Variants in ERBB4 observed in about 807,000 individuals in gnomAD.
The protein encoded by ERBB4 is erb-b2 receptor tyrosine kinase 4.
In ERBB4, 42 loss-of-function variants were observed where a neutral mutation model predicts 158.0. That is an observed-to-expected ratio of 0.27 (90% CI 0.21 to 0.34). ERBB4 has a LOEUF of 0.34. ERBB4 is among the 10% of genes least tolerant of loss of function. The probability of loss-of-function intolerance (pLI) is 1.00; values close to 1 mark genes in which losing one functional copy is unlikely to be tolerated. For missense variants in ERBB4, 1,333 were observed against 1,624.1 expected, an observed-to-expected ratio of 0.82 and a Z score of 3.08; for synonymous variants, 583 against 558.7, an observed-to-expected ratio of 1.04 and a Z score of -0.61.
chr2:212,183,596 T>A (rs911563517), intron 1 of ERBB4, among the ~76,000 whole-genome samples: 2 of 152,094 alleles, frequency 1.3e-5, no homozygotes, highest in African/African-American at 2.4e-5. Context: ...CATTTTCATA[T>A]ACCTTTTAAC....
intron 1 of ERBB4, among the ~76,000 whole-genome samples, chr2:212,182,674 A>G (rs538039489): frequency 6.6e-6 from 1 of 151,968 alleles, no homozygotes; most frequent in Non-Finnish European, 1.5e-5. Flanking sequence ...CACCTTCAAT[A>G]AAATGAAGTT....
chr2:211,391,128 G>A (rs1263221751), intron 25 of ERBB4, among the ~76,000 whole-genome samples: 3 of 152,102 alleles, frequency 2.0e-5, no homozygotes, highest in Non-Finnish European at 4.4e-5. Flanking sequence ...TTGTACTTGA[G>A]AGCCAAGCCA....
intron 22 of ERBB4, among the ~76,000 whole-genome samples, chr2:211,427,927 T>G (rs572761902): frequency 7.0e-6 from 1 of 143,730 alleles, no homozygotes; most frequent in Non-Finnish European, 1.5e-5. Context: ...GTATATTACA[T>G]TGTAATAAAC....
At chr2:211,995,856 T>C (rs2082189845) in intron 2 of ERBB4, among the ~76,000 whole-genome samples, 1 of 152,208 alleles carries the variant, frequency 6.6e-6, no homozygotes, top group South Asian at 2.1e-4. Flanking sequence ...TCCCATATTC[T>C]ATCTATGATA....
chr2:212,379,672 G>A (rs2090438823), intron 1 of ERBB4, among the ~76,000 whole-genome samples: 1 of 151,362 alleles, frequency 6.6e-6, no homozygotes, highest in Admixed American at 6.6e-5. Context: ...AAATCAAGTG[G>A]AAATTATCAT....
chr2:211,458,161 C>T (rs899216318), intron 20 of ERBB4, among the ~76,000 whole-genome samples: 1 of 140,374 alleles, frequency 7.1e-6, no homozygotes, highest in African/African-American at 2.6e-5. Flanking sequence ...CCTGTTGACA[C>T]TGAGGTCACA....
intron 1 of ERBB4, among the ~76,000 whole-genome samples, chr2:212,169,300 G>C (rs1023999497): frequency 6.6e-6 from 1 of 151,990 alleles, no homozygotes; most frequent in Non-Finnish European, 1.5e-5. Context: ...AATTAGTAAA[G>C]TATAGGAAAT....
rs116201721 is a variant in ERBB4, at chr2:211,631,845, T to C, written c.1947-1251A>G. ...TCATGCTTTCCATAATAAAGCATTT[T>C]ATATCTTATATTTATATTTTTAAAA... is the stretch of plus-strand genomic sequence containing the variant. On this transcript the variant is annotated intron_variant, in intron 16 of 27. Coordinates refer to ENST00000342788, the MANE Select transcript of ERBB4 (RefSeq NM_005235.3). 4.7e-3 allele frequency among the ~76,000 whole-genome samples: 712 copies of C among 152,216 alleles called. 8 individuals are homozygous for C. The highest frequency in any genetic ancestry group is 6.8e-3 in the Non-Finnish European group (464 of 67,978).
intron 3 of ERBB4, among the ~76,000 whole-genome samples, chr2:211,829,418 T>C (rs2077171867): frequency 6.6e-6 from 1 of 152,200 alleles, no homozygotes; most frequent in Admixed American, 6.6e-5. Flanking sequence ...TCAAGTTCAC[T>C]TATTTTGGTT....
At chr2:211,705,727 A>G (rs1191145662) in intron 9 of ERBB4, among the ~76,000 whole-genome samples, 2 of 152,220 alleles carry the variant, frequency 1.3e-5, no homozygotes, top group Non-Finnish European at 2.9e-5. Flanking sequence ...TTGATTTGGA[A>G]GAATATATAT....
intron 3 of ERBB4, among the ~76,000 whole-genome samples, chr2:211,827,935 C>T (rs932579270): frequency 3.3e-5 from 5 of 152,070 alleles, no homozygotes; most frequent in African/African-American, 1.2e-4. Flanking sequence ...CTAGGCCAGC[C>T]CCCTCACTTT....
At chr2:211,966,978 G>A (rs2081326582) in intron 2 of ERBB4, among the ~76,000 whole-genome samples, 1 of 152,034 alleles carries the variant, frequency 6.6e-6, no homozygotes, top group African/African-American at 2.4e-5. Flanking sequence ...AGTGCCTAAC[G>A]TTATACTTTA....
chr2:211,665,208 A>G, intron 15 of ERBB4, 115 bp downstream of exon 15: 1 of 1,052,662 alleles, frequency 9.5e-7, no homozygotes, highest in South Asian at 1.3e-5. Context: ...CATTTTAAAT[A>G]TAAGGATTAG....
At chr2:211,485,571 T>G (rs756306919) in intron 20 of ERBB4, among the ~76,000 whole-genome samples, 11 of 152,126 alleles carry the variant, frequency 7.2e-5, no homozygotes, top group Non-Finnish European at 1.2e-4. Flanking sequence ...GCCACTATTG[T>G]GAAACTTAGC....
rs1015707994 is a variant in ERBB4, at chr2:211,719,062, G to A, written c.883+3331C>T. 2.6e-5 allele frequency among the ~76,000 whole-genome samples: 4 copies of A among 152,222 alleles called. No individual in the cohort carries two copies. In the South Asian group the frequency reaches 8.3e-4, roughly 32 times the overall value. On this transcript the variant is annotated intron_variant, in intron 7 of 27. Transcript: ENST00000342788. ...ATTAACAGTGAATTTTGTCTTAGAAGTCTCTTTTTGATTTTATAAACTCCC... is the reference window on the plus strand; with the variant it reads ...ATTAACAGTGAATTTTGTCTTAGAAATCTCTTTTTGATTTTATAAACTCCC...
intron 4 of ERBB4, among the ~76,000 whole-genome samples, chr2:211,753,145 A>G (rs958476347): frequency 1.8e-4 from 22 of 120,360 alleles, no homozygotes; most frequent in Non-Finnish European, 3.2e-4. Flanking sequence ...ACAATATCTG[A>G]CCAAAATATC....
At chr2:212,137,891 G>C (rs2080324254) in intron 1 of ERBB4, among the ~76,000 whole-genome samples, 1 of 152,120 alleles carries the variant, frequency 6.6e-6, no homozygotes, top group Admixed American at 6.6e-5. Flanking sequence ...TTGATAAGGA[G>C]ACAGCCACCA....
chr2:212,122,639 A>G (rs2079791929), intron 2 of ERBB4, among the ~76,000 whole-genome samples: 1 of 152,046 alleles, frequency 6.6e-6, no homozygotes, highest in African/African-American at 2.4e-5. Context: ...TTTTAATTCA[A>G]AATGGTTCCC....
chr2:212,521,093 G>A (rs4404217), intron 1 of ERBB4, among the ~76,000 whole-genome samples: 42,886 of 151,724 alleles, frequency 0.28, 6,199 homozygotes, highest in African/African-American at 0.3. Flanking sequence ...GTCATACATT[G>A]TTTTAGTTGT....
Sources: gnomAD v4.1 joint callset for allele counts (sites outside exome capture counted in the v4.1 genomes callset) on GRCh38, gnomAD v4.1.1 for gene constraint, MANE v1.5 for transcripts, NCBI Gene and HGNC (gene_info 2026-07-23, HGNC 2026-07-21) for gene names.